Variants in NFIA observed in about 807,000 individuals in gnomAD.
NFIA encodes the protein nuclear factor 1 A-type.
A neutral mutation model predicts 62.8 loss-of-function variants in NFIA; 8 were observed. The ratio of observed to expected loss-of-function variants is 0.13; its 90% CI spans 0.07 to 0.23. The LOEUF is 0.23. Ranked by LOEUF, NFIA falls within the 10% of genes least tolerant of loss-of-function variation. The pLI, the probability that NFIA is intolerant of heterozygous loss-of-function variation, is 1.00. For missense variants in NFIA, 410 were observed against 642.1 expected, an observed-to-expected ratio of 0.64 and a Z score of 3.91; for synonymous variants, 235 against 238.1, an observed-to-expected ratio of 0.99 and a Z score of 0.12.
At chr1:61,356,087 G>T (rs1220019619) in intron 5 of NFIA, among the ~76,000 whole-genome samples, 3 of 152,188 alleles carry the variant, frequency 2.0e-5, no homozygotes, top group Admixed American at 2.0e-4. Context: ...GGCCTTTGGG[G>T]CTAGATCTAA....
rs1169599057 is a variant in NFIA at position 61,278,614 on chromosome 1, C to A, written c.625+1029C>A. Among the ~76,000 whole-genome samples, 3 of 152,274 alleles carry A rather than the reference C, an allele frequency of 2.0e-5. No homozygotes were observed. The East Asian group carries it at 5.8e-4, about 29-fold the overall frequency. ...ACCAGCCTGGCCAACATGGTGAAAT[C>A]ATGTCTTTACTAAAAATAGAAAAAT... On this transcript the variant is annotated intron_variant, in intron 3 of 10. Coordinates refer to ENST00000403491, the MANE Select transcript of NFIA (RefSeq NM_001134673.4).
At chr1:61,238,655 A>T (rs559765718) in intron 2 of NFIA, among the ~76,000 whole-genome samples, 36 of 152,310 alleles carry the variant, frequency 2.4e-4, no homozygotes, top group Non-Finnish European at 4.0e-4. Flanking sequence ...TTGGCAGCGC[A>T]CTAAGTTGAG....
intron 7 of NFIA, among the ~76,000 whole-genome samples, chr1:61,400,237 G>T (rs374972725): frequency 4.6e-5 from 7 of 152,318 alleles, no homozygotes; most frequent in East Asian, 3.9e-4. Flanking sequence ...TGTTCAGGAT[G>T]TGTAGGCAGT....
chr1:61,178,741 T>C (rs1650561219), intron 2 of NFIA, among the ~76,000 whole-genome samples: 1 of 152,236 alleles, frequency 6.6e-6, no homozygotes, highest in East Asian at 1.9e-4. Context: ...AGCCAGGCTT[T>C]CATTGCTAAA....
At chr1:61,155,994 T>A (rs1304023635) in intron 2 of NFIA, among the ~76,000 whole-genome samples, 1 of 151,972 alleles carries the variant, frequency 6.6e-6, no homozygotes, top group Non-Finnish European at 1.5e-5. Flanking sequence ...AAAAATTAGC[T>A]CGGCGTTGCG....
At chr1:61,329,052 T>TC (rs1358419306) in intron 3 of NFIA, among the ~76,000 whole-genome samples, 1 of 145,900 alleles carries the variant, frequency 6.9e-6, no homozygotes, top group African/African-American at 2.5e-5. Context: ...TTTTTTTCTT[T>TC]TTTTTTTTTT....
At chr1:61,157,755 T>C (rs143506906) in intron 2 of NFIA, among the ~76,000 whole-genome samples, 1 of 152,134 alleles carries the variant, frequency 6.6e-6, no homozygotes. Context: ...ACCAACCACA[T>C]AGCTTCTCTG....
chr1:61,333,102 C>T (rs1027417562), intron 4 of NFIA, among the ~76,000 whole-genome samples: 7 of 151,186 alleles, frequency 4.6e-5, no homozygotes, highest in African/African-American at 9.7e-5. Flanking sequence ...TACACAGTTG[C>T]CTTCCCTTAG....
intron 7 of NFIA, among the ~76,000 whole-genome samples, chr1:61,388,092 G>A (rs975434677): frequency 1.4e-4 from 21 of 152,158 alleles, no homozygotes; most frequent in East Asian, 3.9e-4. Flanking sequence ...TAACCTTGTC[G>A]CCTCAGTTTG....
intron 2 of NFIA, among the ~76,000 whole-genome samples, chr1:61,269,786 C>CTAGA (rs1657398169): frequency 6.6e-6 from 1 of 152,188 alleles, no homozygotes; most frequent in Non-Finnish European, 1.5e-5. Context: ...AGTTCTCTGT[C>CTAGA]TCTAGTCTAC....
chr1:61,352,656 C>A, intron 5 of NFIA, 89 bp downstream of exon 5: 2 of 1,006,574 alleles, frequency 2.0e-6, no homozygotes, highest in Non-Finnish European at 3.1e-6. Context: ...TTTAGCAATG[C>A]GCCTTTAGTA....
At chr1:61,077,826 T>A (rs1287840158), upstream of NFIA, among the ~76,000 whole-genome samples, 3 of 151,858 alleles carry the variant, frequency 2.0e-5, no homozygotes, top group Admixed American at 1.3e-4. Context: ...TTTTGCTATG[T>A]GCATCAGAGA....
chr1:61,229,337 T>C lies in NFIA; in HGVS notation c.560-48183T>C, dbSNP rs538487307. 3.4e-3 allele frequency among the ~76,000 whole-genome samples: 511 copies of C among 152,288 alleles called. 1 individual carries two copies. The highest frequency in any genetic ancestry group is 5.2e-3 in the Non-Finnish European group (355 of 68,006). ...CAGTCATATATTCTGAAAATAAATA[T>C]CTTTTGTATTTATGCTTGAAATTTT... On this transcript the variant is annotated intron_variant, in intron 2 of 10. Transcript: ENST00000403491.
At chr1:61,217,532 A>T (rs1209856519) in intron 2 of NFIA, among the ~76,000 whole-genome samples, 1 of 152,208 alleles carries the variant, frequency 6.6e-6, no homozygotes, top group Non-Finnish European at 1.5e-5. Flanking sequence ...GCTGCTCAGA[A>T]ACATGAGTTT....
intron 5 of NFIA, 60 bp from the exon 6 acceptor site, chr1:61,359,087 A>G (rs1487056367): frequency 3.1e-6 from 5 of 1,589,318 alleles, no homozygotes; most frequent in Non-Finnish European, 3.4e-6. Context: ...CCAGAGGTGC[A>G]GTGTCCAAGA....
intron 2 of NFIA, among the ~76,000 whole-genome samples, chr1:61,155,365 G>A (rs570102496): frequency 6.6e-6 from 1 of 152,264 alleles, no homozygotes; most frequent in East Asian, 1.9e-4. Context: ...AGAAACAAAT[G>A]ATGTTTGACT....
At chr1:61,123,808 A>G (rs1181191819) in intron 2 of NFIA, among the ~76,000 whole-genome samples, 1 of 152,224 alleles carries the variant, frequency 6.6e-6, no homozygotes, top group Non-Finnish European at 1.5e-5. Flanking sequence ...TAAACAAACA[A>G]TACACAAGCT....
At chr1:61,386,242 G>A (rs11808403) in intron 7 of NFIA, among the ~76,000 whole-genome samples, 3 of 152,162 alleles carry the variant, frequency 2.0e-5, no homozygotes, top group Non-Finnish European at 4.4e-5. Context: ...GAGTATAGCT[G>A]CAAGAGTCAG....
intron 8 of NFIA, among the ~76,000 whole-genome samples, chr1:61,404,625 T>G (rs534687346): frequency 6.6e-6 from 1 of 152,224 alleles, no homozygotes; most frequent in East Asian, 1.9e-4. Flanking sequence ...AAAGACCAAG[T>G]AGTTTTAAAT....
Sources: allele counts gnomAD v4.1 joint callset (sites outside exome capture counted in the v4.1 genomes callset), GRCh38; gene constraint gnomAD v4.1.1; transcripts MANE v1.5; gene names NCBI Gene and HGNC (gene_info 2026-07-23, HGNC 2026-07-21).